The following ARMH4 variants were observed in gnomAD, a reference collection of about 807,000 sequenced individuals.
The protein encoded by ARMH4 is armadillo-like helical domain-containing protein 4.
A neutral mutation model predicts 61.9 loss-of-function variants in ARMH4; 49 were observed. The observed-to-expected ratio is 0.79, with a 90% CI of 0.63 to 1.00. ARMH4 has a LOEUF of 1.00. Ranked by LOEUF, ARMH4 falls within the 50% of genes least tolerant of loss-of-function variation. The pLI is 0.00. For synonymous variants in ARMH4, 368 were observed against 341.5 expected, an observed-to-expected ratio of 1.08 and a Z score of -0.85; for missense variants, 934 against 930.0, an observed-to-expected ratio of 1.00 and a Z score of -0.06.
chr14:58,007,163 T>C (rs1882208653), intron 6 of ARMH4, among the ~76,000 whole-genome samples: 1 of 152,194 alleles, frequency 6.6e-6, no homozygotes, highest in East Asian at 1.9e-4. Context: ...AGGCTTCTCA[T>C]GTACAGTAAC....
chr14:58,043,903 G>C (rs1883823044), intron 5 of ARMH4, among the ~76,000 whole-genome samples: 1 of 152,210 alleles, frequency 6.6e-6, no homozygotes, highest in Non-Finnish European at 1.5e-5. Flanking sequence ...TACAAGGGAT[G>C]TGAAGGACCT....
intron 5 of ARMH4, among the ~76,000 whole-genome samples, chr14:58,090,606 C>T (rs902631119): frequency 6.6e-6 from 1 of 152,084 alleles, no homozygotes; most frequent in Non-Finnish European, 1.5e-5. Flanking sequence ...TGGCCAGGCA[C>T]AGTGGCTCAC....
chr14:58,056,806 C>A (rs570027860), intron 5 of ARMH4, among the ~76,000 whole-genome samples: 19 of 152,292 alleles, frequency 1.2e-4, no homozygotes, highest in Admixed American at 1.1e-3. Context: ...ACAACAAAAC[C>A]CTAATCTGGT....
intron 4 of ARMH4, among the ~76,000 whole-genome samples, chr14:58,124,044 C>T (rs1479128328): frequency 6.6e-6 from 1 of 152,024 alleles, no homozygotes; most frequent in Admixed American, 6.6e-5. Context: ...ACTGGCTTAC[C>T]CTCATCCCAA....
In ARMH4 at chr14:58,138,643, G is replaced by A. The variant is rs750876965; in HGVS notation, c.716C>T (p.Ala239Val). The A allele has an allele frequency of 2.5e-6, 4 of 1,614,044 alleles. No homozygotes were observed. Among genetic ancestry groups the A allele is most frequent in the Admixed American group, 1.7e-5 (1 of 60,014 alleles). Reference protein sequence around the residue: ...TDHRTTSFPGAESTAGSEPGS... With the variant: ...TDHRTTSFPGVESTAGSEPGS... ...AGGCTCACTGCCTGCTGTGGACTCAGCACCAGGAAAAGAAGTTGTCCTGTG... is the reference window on the plus strand; with the variant it reads ...AGGCTCACTGCCTGCTGTGGACTCAACACCAGGAAAAGAAGTTGTCCTGTG... The change falls in exon 2 of 8, where the codon GCT becomes GTT. Residue 239 changes from alanine to valine, a missense_variant. Ala to Val is a moderately conservative substitution (Grantham distance 64). Coordinates refer to ENST00000267485, the MANE Select transcript of ARMH4 (RefSeq NM_001001872.4).
intron 5 of ARMH4, among the ~76,000 whole-genome samples, chr14:58,042,512 T>G (rs1168267300): frequency 3.3e-5 from 5 of 151,884 alleles, no homozygotes; most frequent in African/African-American, 9.7e-5. Context: ...GATCTAAAAT[T>G]GACACCCTAA....
chr14:58,057,682 T>C (rs1044977430), intron 5 of ARMH4, among the ~76,000 whole-genome samples: 3 of 152,156 alleles, frequency 2.0e-5, no homozygotes, highest in Admixed American at 6.6e-5. Flanking sequence ...GACCAGGGAT[T>C]CTCACAGGTT....
At chr14:58,066,741 C>G (rs912539363) in intron 5 of ARMH4, among the ~76,000 whole-genome samples, 3 of 152,138 alleles carry the variant, frequency 2.0e-5, no homozygotes, top group Non-Finnish European at 4.4e-5. Flanking sequence ...CATACTACTT[C>G]CAAATACTAT....
intron 2 of ARMH4, among the ~76,000 whole-genome samples, chr14:58,134,772 T>C (rs1483710059): frequency 1.3e-5 from 2 of 151,812 alleles, no homozygotes; most frequent in African/African-American, 2.4e-5. Context: ...CTGGCCAATA[T>C]TGTGAAACCC....
Position 58,138,423 on chromosome 14 carries a change from A to G in ARMH4, c.936T>C (p.Asp312=). 2.5e-6 allele frequency: 4 copies of G among 1,614,184 alleles called. No homozygotes were observed. The highest frequency in any genetic ancestry group is 3.4e-6 in the Non-Finnish European group (4 of 1,180,038). Residue 312 remains aspartate, a synonymous_variant, in exon 2 of 8, where the codon GAT becomes GAC. Coordinates refer to ENST00000267485, the MANE Select transcript of ARMH4 (RefSeq NM_001001872.4). ...TAVPAASALS[D]EWDDTKLESV... ...TCTCTAATTTGGTGTCATCCCACTC[A>G]TCACTTAAGGCAGAGGCAGCTGGAA...
intron 5 of ARMH4, among the ~76,000 whole-genome samples, chr14:58,051,107 A>G (rs143205231): frequency 2.8e-4 from 42 of 151,162 alleles, no homozygotes; most frequent in Middle Eastern, 3.4e-3. Context: ...TCAAGGATCT[A>G]TTTGGGGGAG....
intron 5 of ARMH4, among the ~76,000 whole-genome samples, chr14:58,069,498 A>T (rs1351924362): frequency 6.6e-6 from 1 of 152,238 alleles, no homozygotes; most frequent in Non-Finnish European, 1.5e-5. Flanking sequence ...TGACAGTTTC[A>T]TCTGATAGGG....
chr14:58,044,569 T>G (rs191549386), intron 5 of ARMH4, among the ~76,000 whole-genome samples: 1 of 152,244 alleles, frequency 6.6e-6, no homozygotes, highest in African/African-American at 2.4e-5. Flanking sequence ...TGACTTCATG[T>G]CTAAAACACC....
chr14:58,079,071 C>G (rs575895694), intron 5 of ARMH4, among the ~76,000 whole-genome samples: 5 of 152,250 alleles, frequency 3.3e-5, no homozygotes, highest in African/African-American at 7.2e-5. Flanking sequence ...ATTTGGAAAC[C>G]CTTTTGACCT....
chr14:58,095,983 T>C (rs1566577497), intron 5 of ARMH4, among the ~76,000 whole-genome samples: 1 of 152,100 alleles, frequency 6.6e-6, no homozygotes, highest in African/African-American at 2.4e-5. Context: ...GAGAGCTTAA[T>C]AGCGTCTCCC....
At chr14:58,050,844 C>T (rs1252821149) in intron 5 of ARMH4, among the ~76,000 whole-genome samples, 2 of 152,060 alleles carry the variant, frequency 1.3e-5, no homozygotes, top group Non-Finnish European at 2.9e-5. Context: ...TCCCTCCCCT[C>T]GACTCCTGGC....
intron 1 of ARMH4, among the ~76,000 whole-genome samples, chr14:58,149,019 T>A (rs1292708197): frequency 1.3e-5 from 2 of 152,226 alleles, no homozygotes; most frequent in Non-Finnish European, 2.9e-5. Flanking sequence ...TGTGTCTTAA[T>A]AATCTTTCCA....
intron 5 of ARMH4, among the ~76,000 whole-genome samples, chr14:58,075,880 A>G (rs926802649): frequency 6.6e-6 from 1 of 152,198 alleles, no homozygotes; most frequent in African/African-American, 2.4e-5. Context: ...CATATGTAAA[A>G]TGGAGAAAGT....
chr14:58,067,476 C>T (rs1372789615), intron 5 of ARMH4, among the ~76,000 whole-genome samples: 1 of 152,064 alleles, frequency 6.6e-6, no homozygotes, highest in African/African-American at 2.4e-5. Context: ...AGTGGGGAGG[C>T]AGACCAAGAA....
Sources: gnomAD v4.1 joint callset for allele counts (sites outside exome capture counted in the v4.1 genomes callset) on GRCh38, gnomAD v4.1.1 for gene constraint, MANE v1.5 for transcripts, NCBI Gene and HGNC (gene_info 2026-07-23, HGNC 2026-07-21) for gene names.